Variants in CSMD1 observed in about 807,000 individuals in gnomAD.
The protein encoded by CSMD1 is CUB and Sushi multiple domains 1, also known as CUB and sushi domain-containing protein 1.
Under a neutral mutation model 417.5 loss-of-function variants are expected in CSMD1, and 213 were observed. That is an observed-to-expected ratio of 0.51 (90% CI 0.46 to 0.57). The LOEUF (loss-of-function observed/expected upper bound fraction) is 0.57, where lower values mean the gene tolerates loss of function less well. Among genes scored for constraint, CSMD1 ranks in the 20% least tolerant of loss-of-function variants. The probability of loss-of-function intolerance (pLI) is 0.00; values close to 1 mark genes in which losing one functional copy is unlikely to be tolerated. For missense variants in CSMD1, 6,923 were observed against 4,529.7 expected (o/e 1.53, Z -15.17); for synonymous variants, 2,862 against 1,736.8 (o/e 1.65, Z -16.11).
At chr8:3,154,355 A>G (rs1819387158) in intron 39 of CSMD1, among the ~76,000 whole-genome samples, 1 of 152,210 alleles carries the variant, frequency 6.6e-6, no homozygotes. Context: ...CAAGTTGCAG[A>G]CTGACTTCCT....
intron 1 of CSMD1, among the ~76,000 whole-genome samples, chr8:4,948,581 C>T (rs955466561): frequency 6.6e-6 from 1 of 151,964 alleles, no homozygotes; most frequent in African/African-American, 2.4e-5. Context: ...CTTTATGTTT[C>T]ATTCTTATTT....
At chr8:3,645,523 G>C (rs1049929331) in intron 7 of CSMD1, among the ~76,000 whole-genome samples, 1 of 152,198 alleles carries the variant, frequency 6.6e-6, no homozygotes, top group Non-Finnish European at 1.5e-5. Context: ...GGGAGGATGT[G>C]TGGTCAGAGG....
rs544774063 is a variant in CSMD1 at position 4,736,150 on chromosome 8, T to C, written c.86-98592A>G. 1.3e-3 allele frequency among the ~76,000 whole-genome samples: 205 copies of C among 152,304 alleles called. 7 individuals carry two copies. In the South Asian group the frequency reaches 0.039, roughly 29 times the overall value. On this transcript the variant is annotated intron_variant, in intron 1 of 69. Coordinates refer to ENST00000635120, the MANE Select transcript of CSMD1 (RefSeq NM_033225.6). ...TCTTCTACTGGATTAACTCATTCTG[T>C]CACCCTAATGCTTTCAAATATTAAC... is the stretch of plus-strand genomic sequence containing the variant.
At chr8:4,610,028 GAA>G (rs34593512) in intron 2 of CSMD1, among the ~76,000 whole-genome samples, 2 of 142,068 alleles carry the variant, frequency 1.4e-5, no homozygotes, top group African/African-American at 5.2e-5. Flanking sequence ...CAGGGTTCAG[GAA>G]AAAAAAAAAA....
intron 3 of CSMD1, among the ~76,000 whole-genome samples, chr8:4,229,215 G>T (rs1414368427): frequency 6.6e-6 from 1 of 152,156 alleles, no homozygotes; most frequent in Non-Finnish European, 1.5e-5. Flanking sequence ...TACCAAATCA[G>T]CACATTGGCC....
At chr8:4,920,903 AAAGAAAAGAAAAGAAAAGAAAAGAAAG>A (rs1806412360) in intron 1 of CSMD1, among the ~76,000 whole-genome samples, 1 of 56,230 alleles carries the variant, frequency 1.8e-5, no homozygotes, top group Non-Finnish European at 4.9e-5. Context: ...AAAGAAAAGA[AAAGAAAAGAAAAGAAAAGAAAAGAAAG>A]AGAGAAAGAA....
At chr8:3,923,702 A>G (rs1268241318) in intron 5 of CSMD1, among the ~76,000 whole-genome samples, 1 of 152,154 alleles carries the variant, frequency 6.6e-6, no homozygotes, top group Non-Finnish European at 1.5e-5. Flanking sequence ...GCTGTACAAT[A>G]AATCTCTAGT....
At chr8:3,667,223 A>G (rs1798740516) in intron 7 of CSMD1, among the ~76,000 whole-genome samples, 1 of 152,156 alleles carries the variant, frequency 6.6e-6, no homozygotes, top group African/African-American at 2.4e-5. Context: ...ACATTATATA[A>G]TCATAGTCCC....
chr8:4,032,300 C>T lies in CSMD1; in HGVS notation c.416-201G>A, dbSNP rs368976503. On this transcript the variant is annotated intron_variant, in intron 3 of 69. Coordinates refer to ENST00000635120, the MANE Select transcript of CSMD1 (RefSeq NM_033225.6). ...ATCTGCAGTATAACACTTTTATAAA[C>T]ATCATAAAGTGTAAATAAATGCATT... Among the ~76,000 whole-genome samples, 11 of 152,244 alleles carry T rather than the reference C, an allele frequency of 7.2e-5. 1 individual carries two copies. In the South Asian group the frequency reaches 2.1e-3, roughly 29 times the overall value.
chr8:4,165,404 T>C (rs1328734275), intron 3 of CSMD1, among the ~76,000 whole-genome samples: 1 of 152,180 alleles, frequency 6.6e-6, no homozygotes, highest in African/African-American at 2.4e-5. Context: ...TTGTAGAAAA[T>C]ATAAGCATCA....
chr8:4,780,468 G>A (rs901018368), intron 1 of CSMD1, among the ~76,000 whole-genome samples: 1 of 152,058 alleles, frequency 6.6e-6, no homozygotes, highest in African/African-American at 2.4e-5. Flanking sequence ...ATCTCTCTCT[G>A]GCTCCTTTAT....
Position 4,761,480 on chromosome 8 carries a change from A to C in CSMD1, c.86-123922T>G, listed in dbSNP as rs111241944. Among the ~76,000 whole-genome samples the C allele has an allele frequency of 2.2e-3, 329 of 152,256 alleles. 4 individuals carry two copies. The highest frequency in any genetic ancestry group is 7.6e-3 in the African/African-American group (317 of 41,560). ...GTTTCCTTTATAATTTCTAGTGTGA[A>C]TACTAAACATTTAATATTGCATATG... On this transcript the variant is annotated intron_variant, in intron 1 of 69. Coordinates refer to ENST00000635120, the MANE Select transcript of CSMD1 (RefSeq NM_033225.6).
intron 2 of CSMD1, among the ~76,000 whole-genome samples, chr8:4,476,562 T>C (rs1800811712): frequency 6.6e-6 from 1 of 152,136 alleles, no homozygotes; most frequent in Non-Finnish European, 1.5e-5. Flanking sequence ...GATTTTAAAA[T>C]AAAACATAAT....
intron 25 of CSMD1, among the ~76,000 whole-genome samples, chr8:3,303,067 T>G (rs1040414044): frequency 6.6e-6 from 1 of 152,200 alleles, no homozygotes; most frequent in African/African-American, 2.4e-5. Flanking sequence ...TGAAATTACT[T>G]AAATTGTTAT....
chr8:3,666,507 T>C (rs1798702303), intron 7 of CSMD1, among the ~76,000 whole-genome samples: 1 of 152,194 alleles, frequency 6.6e-6, no homozygotes, highest in South Asian at 2.1e-4. Context: ...CTACACATCA[T>C]CTATTCTTTC....
At chr8:3,131,957 T>G (rs1817816471) in intron 41 of CSMD1, among the ~76,000 whole-genome samples, 1 of 152,216 alleles carries the variant, frequency 6.6e-6, no homozygotes, top group South Asian at 2.1e-4. Context: ...ATTCATGGTC[T>G]TAACAGGGGA....
intron 1 of CSMD1, among the ~76,000 whole-genome samples, chr8:4,910,541 C>T (rs1307581959): frequency 6.6e-6 from 1 of 152,172 alleles, no homozygotes; most frequent in Admixed American, 6.5e-5. Flanking sequence ...CAAGGAATCT[C>T]TGAAGCTTTT....
At chr8:4,634,931 T>C (rs1246144215) in intron 2 of CSMD1, among the ~76,000 whole-genome samples, 2 of 152,178 alleles carry the variant, frequency 1.3e-5, no homozygotes, top group East Asian at 1.9e-4. Context: ...TACAGTACTC[T>C]AAACGGTTCC....
chr8:3,215,284 G>A (rs891945892), intron 29 of CSMD1, among the ~76,000 whole-genome samples: 8 of 152,250 alleles, frequency 5.3e-5, no homozygotes, highest in South Asian at 4.1e-4. Context: ...TAGAGTAAAC[G>A]TCAAACTTAG....
Sources: allele counts gnomAD v4.1 joint callset (sites outside exome capture counted in the v4.1 genomes callset), GRCh38; gene constraint gnomAD v4.1.1; transcripts MANE v1.5; gene names NCBI Gene and HGNC (gene_info 2026-07-23, HGNC 2026-07-21).